UNC5D: variants seen among roughly 807,000 people sequenced by gnomAD.
The protein encoded by UNC5D is unc-5 netrin receptor D, also known as netrin receptor UNC5D.
In UNC5D, 39 loss-of-function variants were observed where a neutral mutation model predicts 105.4. That is an observed-to-expected ratio of 0.37 (90% CI 0.29 to 0.48). The LOEUF (loss-of-function observed/expected upper bound fraction) is 0.48, where lower values mean the gene tolerates loss of function less well. Among genes scored for constraint, UNC5D ranks in the 20% least tolerant of loss-of-function variants. The pLI is 0.98. For synonymous variants in UNC5D, 452 were observed against 450.4 expected (o/e 1.00, Z -0.04); for missense variants, 991 against 1,202.4 (o/e 0.82, Z 2.60).
At chr8:35,315,512 C>G (rs1292761499) in intron 1 of UNC5D, among the ~76,000 whole-genome samples, 1 of 152,118 alleles carries the variant, frequency 6.6e-6, no homozygotes, top group Non-Finnish European at 1.5e-5. Context: ...ACATGACAGC[C>G]AGGGGCTCTA....
At chr8:35,544,595 GTTTTTTTTTTTTTT>G (rs775831187) in intron 1 of UNC5D, 7 of 573,128 alleles carry the variant, frequency 1.2e-5, no homozygotes, top group African/African-American at 3.6e-5. Context: ...TTTCGTTTTC[GTTTTTTTTTTTTTT>G]TTTTTTTTTT....
intron 6 of UNC5D, among the ~76,000 whole-genome samples, chr8:35,685,500 C>T (rs534932559): frequency 2.0e-5 from 3 of 152,252 alleles, no homozygotes; most frequent in African/African-American, 7.2e-5. Flanking sequence ...ACTAGAGTCT[C>T]ATGTCTTTAT....
chr8:35,680,934 A>G (rs1489278947), intron 4 of UNC5D, among the ~76,000 whole-genome samples: 1 of 152,234 alleles, frequency 6.6e-6, no homozygotes, highest in Non-Finnish European at 1.5e-5. Context: ...AATTAATCAG[A>G]AAGCAGGCAA....
rs1040607717 is a variant in UNC5D, at chr8:35,485,465, A to G, written c.104-63827A>G. 7.2e-5 allele frequency among the ~76,000 whole-genome samples: 11 copies of G among 152,202 alleles called. No homozygotes were observed. In the East Asian group the frequency reaches 1.5e-3, roughly 21 times the overall value. On this transcript the variant is annotated intron_variant, in intron 1 of 16. Coordinates refer to ENST00000404895, the MANE Select transcript of UNC5D (RefSeq NM_080872.4). Reference sequence around the variant, plus strand: ...ATACGGAGTATCTCATTTAATCTCCATAACATTTTTAGATTGGTAATTATT... The same window carrying G: ...ATACGGAGTATCTCATTTAATCTCCGTAACATTTTTAGATTGGTAATTATT...
intron 1 of UNC5D, among the ~76,000 whole-genome samples, chr8:35,305,149 A>C (rs73581122): frequency 9.2e-5 from 14 of 152,252 alleles, no homozygotes; most frequent in African/African-American, 3.4e-4. Flanking sequence ...ATATTTGAAA[A>C]CATATGAAAG....
At chr8:35,615,117 T>C (rs1171189679) in intron 4 of UNC5D, among the ~76,000 whole-genome samples, 1 of 145,962 alleles carries the variant, frequency 6.9e-6, no homozygotes, top group African/African-American at 2.5e-5. Flanking sequence ...CGCACACATG[T>C]AGTTCCAGCT....
At chr8:35,515,823 G>C (rs1457021156) in intron 1 of UNC5D, among the ~76,000 whole-genome samples, 1 of 152,076 alleles carries the variant, frequency 6.6e-6, no homozygotes, top group African/African-American at 2.4e-5. Context: ...TAATATTGCT[G>C]CTATCAAAAG....
At chr8:35,478,247 G>A (rs1434351663) in intron 1 of UNC5D, among the ~76,000 whole-genome samples, 2 of 151,946 alleles carry the variant, frequency 1.3e-5, no homozygotes, top group East Asian at 3.9e-4. Flanking sequence ...AATAATATGT[G>A]AGCCCACATC....
chr8:35,285,461 A>G, intron 1 of UNC5D, among the ~76,000 whole-genome samples: 1 of 152,338 alleles, frequency 6.6e-6, no homozygotes, highest in East Asian at 1.9e-4. Context: ...CTAGTGTTCT[A>G]TGAATATGTG....
chr8:35,421,048 C>T (rs1805866718), intron 1 of UNC5D, among the ~76,000 whole-genome samples: 1 of 152,132 alleles, frequency 6.6e-6, no homozygotes, highest in African/African-American at 2.4e-5. Context: ...TATTGAATCC[C>T]TCTCCATTCC....
intron 1 of UNC5D, among the ~76,000 whole-genome samples, chr8:35,240,608 C>T (rs1234541632): frequency 6.6e-6 from 1 of 152,106 alleles, no homozygotes; most frequent in African/African-American, 2.4e-5. Flanking sequence ...AAAGCTTGCC[C>T]AAGGCCATGG....
At chr8:35,482,655 T>C (rs1329010779) in intron 1 of UNC5D, among the ~76,000 whole-genome samples, 1 of 152,102 alleles carries the variant, frequency 6.6e-6, no homozygotes, top group African/African-American at 2.4e-5. Context: ...GATTCAATAA[T>C]AGGTTCTAGG....
intron 4 of UNC5D, among the ~76,000 whole-genome samples, chr8:35,676,945 G>A (rs1430554283): frequency 6.6e-6 from 1 of 151,614 alleles, no homozygotes; most frequent in African/African-American, 2.4e-5. Context: ...TAATATACGG[G>A]CCATCATATA....
chr8:35,594,498 CAGGG>C (rs1819368504), intron 3 of UNC5D, among the ~76,000 whole-genome samples: 3 of 152,240 alleles, frequency 2.0e-5, no homozygotes, highest in African/African-American at 7.2e-5. Flanking sequence ...AATGCATTGT[CAGGG>C]AGGGAGGGCA....
intron 4 of UNC5D, among the ~76,000 whole-genome samples, chr8:35,672,626 C>T (rs1824891737): frequency 6.6e-6 from 1 of 152,154 alleles, no homozygotes; most frequent in Admixed American, 6.5e-5. Flanking sequence ...CAGCATGTAA[C>T]CTCCCTTACA....
At chr8:35,253,997 C>T (rs931253774) in intron 1 of UNC5D, among the ~76,000 whole-genome samples, 5 of 152,198 alleles carry the variant, frequency 3.3e-5, no homozygotes, top group Non-Finnish European at 7.3e-5. Context: ...CACGTACTCT[C>T]TACTGAACTA....
chr8:35,559,588 C>T (rs900809467), intron 2 of UNC5D, among the ~76,000 whole-genome samples: 5 of 152,298 alleles, frequency 3.3e-5, no homozygotes, highest in African/African-American at 7.2e-5. Context: ...TGGTAGGCAC[C>T]GGGCTGGGGT....
chr8:35,628,055 C>A (rs961636131), intron 4 of UNC5D, among the ~76,000 whole-genome samples: 2 of 152,176 alleles, frequency 1.3e-5, no homozygotes, highest in Middle Eastern at 3.4e-3. Flanking sequence ...GTTTCATAGA[C>A]CTAATCAATT....
At chr8:35,391,520 A>G (rs1292964654) in intron 1 of UNC5D, among the ~76,000 whole-genome samples, 1 of 152,214 alleles carries the variant, frequency 6.6e-6, no homozygotes, top group Non-Finnish European at 1.5e-5. Flanking sequence ...CCATGCCCCC[A>G]GTCTTCACAG....
Sources: gnomAD v4.1 joint callset for allele counts (sites outside exome capture counted in the v4.1 genomes callset) on GRCh38, gnomAD v4.1.1 for gene constraint, MANE v1.5 for transcripts, NCBI Gene and HGNC (gene_info 2026-07-23, HGNC 2026-07-21) for gene names.